Variants in CACNB2 observed in about 807,000 individuals in gnomAD.
CACNB2 encodes voltage-dependent L-type calcium channel subunit beta-2.
A neutral mutation model predicts 73.3 loss-of-function variants in CACNB2; 42 were observed. The ratio of observed to expected loss-of-function variants is 0.57; its 90% CI spans 0.45 to 0.74. The LOEUF (loss-of-function observed/expected upper bound fraction) is 0.74, where lower values mean the gene tolerates loss of function less well. Ranked by LOEUF, CACNB2 falls within the 30% of genes least tolerant of loss-of-function variation. The pLI is 0.00. For missense variants in CACNB2, 940 were observed against 853.0 expected (o/e 1.10, Z -1.27); for synonymous variants, 348 against 310.3 (o/e 1.12, Z -1.28).
intron 3 of CACNB2, among the ~76,000 whole-genome samples, chr10:18,475,745 TG>T: frequency 6.6e-6 from 1 of 152,332 alleles, no homozygotes; most frequent in African/African-American, 2.4e-5. Context: ...GTGTGTCCCC[TG>T]TGCCAGGCAC....
chr10:18,496,244 A>C (rs1361620743), intron 3 of CACNB2, among the ~76,000 whole-genome samples: 1 of 151,418 alleles, frequency 6.6e-6, no homozygotes, highest in African/African-American at 2.4e-5. Context: ...CAAATATTTA[A>C]CTCCACCTCA....
chr10:18,233,032 C>A (rs1277750), intron 2 of CACNB2, among the ~76,000 whole-genome samples: 1 of 152,014 alleles, frequency 6.6e-6, no homozygotes, highest in African/African-American at 2.4e-5. Flanking sequence ...CTGCAGTGAA[C>A]CATGATCGCA....
chr10:18,190,201 C>G (rs78163857), intron 2 of CACNB2, among the ~76,000 whole-genome samples: 3,369 of 152,282 alleles, frequency 0.022, 50 homozygotes, highest in Middle Eastern at 0.1. Context: ...GGGACATGCT[C>G]TCTGGGATTT....
intron 3 of CACNB2, among the ~76,000 whole-genome samples, chr10:18,403,326 A>G (rs2044106496): frequency 6.6e-6 from 1 of 152,232 alleles, no homozygotes; most frequent in Admixed American, 6.5e-5. Flanking sequence ...AACATTAAAT[A>G]ATGTATGACA....
At chr10:18,526,395 G>C (rs1482261445) in intron 9 of CACNB2, among the ~76,000 whole-genome samples, 1 of 152,178 alleles carries the variant, frequency 6.6e-6, no homozygotes, top group Non-Finnish European at 1.5e-5. Context: ...TTGCCTGCAA[G>C]ATAACAAATG....
At chr10:18,150,756 G>T in intron 1 of CACNB2, 127 bp from the exon 2 acceptor site, 2 of 622,396 alleles carry the variant, frequency 3.2e-6, no homozygotes, top group South Asian at 4.2e-5. Flanking sequence ...TTCTAATGAT[G>T]CTTACATGAT....
intron 6 of CACNB2, among the ~76,000 whole-genome samples, chr10:18,512,779 ATT>A (rs1017199046): frequency 1.3e-5 from 2 of 152,144 alleles, no homozygotes; most frequent in African/African-American, 4.8e-5. Flanking sequence ...TTGTGGAAGA[ATT>A]TTCTCTGCAA....
intron 2 of CACNB2, among the ~76,000 whole-genome samples, chr10:18,199,454 G>A (rs75613380): frequency 0.12 from 18,737 of 152,106 alleles, 1,204 homozygotes; most frequent in African/African-American, 0.15. Flanking sequence ...AAACCTCCCC[G>A]AGATGACATG....
chr10:18,344,561 G>A (rs1387485523), intron 2 of CACNB2, among the ~76,000 whole-genome samples: 2 of 151,638 alleles, frequency 1.3e-5, no homozygotes, highest in Non-Finnish European at 2.9e-5. Flanking sequence ...TAGTAGAGAC[G>A]GGGTTTCACC....
chr10:18,473,920 G>A (rs1425169702), intron 3 of CACNB2, among the ~76,000 whole-genome samples: 1 of 152,142 alleles, frequency 6.6e-6, no homozygotes, highest in African/African-American at 2.4e-5. Flanking sequence ...GAAGCTGCAG[G>A]TGCAGCTCCC....
intron 3 of CACNB2, among the ~76,000 whole-genome samples, chr10:18,406,753 C>T (rs760742026): frequency 6.6e-5 from 10 of 152,126 alleles, no homozygotes; most frequent in Non-Finnish European, 1.3e-4. Context: ...ATCCCAAAAC[C>T]ATCCCCAAAC....
At position 18,344,334 on chromosome 10, in the gene CACNB2, G is replaced by C. The variant is rs112114552; in HGVS notation, c.214-57590G>C. Among the ~76,000 whole-genome samples, 444 of 151,826 alleles carry C rather than the reference G, an allele frequency of 2.9e-3. 3 individuals are homozygous for C. The highest frequency in any genetic ancestry group is 9.9e-3 in the African/African-American group (409 of 41,426). On this transcript the variant is annotated intron_variant, in intron 2 of 13. Transcript: ENST00000324631. ...AGAGTCATTTTGTGCAGTCGCAATAGAGATTTGCAGTTATTTTCATTATTA... is the reference window on the plus strand; with the variant it reads ...AGAGTCATTTTGTGCAGTCGCAATACAGATTTGCAGTTATTTTCATTATTA...
chr10:18,290,904 A>G lies in CACNB2; in HGVS notation c.214-111020A>G, dbSNP rs536884779. 4.6e-5 allele frequency among the ~76,000 whole-genome samples: 7 copies of G among 152,354 alleles called. No individual in the cohort carries two copies. In the East Asian group the frequency reaches 1.4e-3, roughly 29 times the overall value. On this transcript the variant is annotated intron_variant, in intron 2 of 13. Transcript: ENST00000324631. Reference sequence around the variant, plus strand: ...GGTAAAAGGAGAGGAACGCAAGGGCACAGGAACAAAGGGCGGAGCGCCAGC... The same window carrying G: ...GGTAAAAGGAGAGGAACGCAAGGGCGCAGGAACAAAGGGCGGAGCGCCAGC...
At chr10:18,300,175 C>G (rs1286644409) in intron 2 of CACNB2, among the ~76,000 whole-genome samples, 1 of 152,150 alleles carries the variant, frequency 6.6e-6, no homozygotes, top group Admixed American at 6.5e-5. Context: ...GCGTGCATCA[C>G]CATGCCTGGC....
intron 2 of CACNB2, among the ~76,000 whole-genome samples, chr10:18,290,661 A>T (rs922507182): frequency 6.6e-6 from 1 of 152,236 alleles, no homozygotes; most frequent in African/African-American, 2.4e-5. Context: ...CTGGTGGCCA[A>T]ATGTTTTCTT....
intron 2 of CACNB2, among the ~76,000 whole-genome samples, chr10:18,275,682 G>A (rs1487438713): frequency 6.6e-6 from 1 of 152,098 alleles, no homozygotes; most frequent in Non-Finnish European, 1.5e-5. Context: ...TATTAAATGA[G>A]TGGCTCATGA....
chr10:18,286,860 T>G (rs1208358221), intron 2 of CACNB2, among the ~76,000 whole-genome samples: 1 of 152,202 alleles, frequency 6.6e-6, no homozygotes, highest in Non-Finnish European at 1.5e-5. Flanking sequence ...CAGAAGTTAC[T>G]GAAAATAAAG....
At chr10:18,525,798 C>G (rs2052410673) in intron 9 of CACNB2, among the ~76,000 whole-genome samples, 1 of 151,962 alleles carries the variant, frequency 6.6e-6, no homozygotes, top group South Asian at 2.1e-4. Context: ...TCCTATCTTC[C>G]AACTCTTTTT....
intron 2 of CACNB2, among the ~76,000 whole-genome samples, chr10:18,208,831 G>T (rs976983617): frequency 6.6e-6 from 1 of 151,924 alleles, no homozygotes; most frequent in African/African-American, 2.4e-5. Flanking sequence ...GACGTTTAGA[G>T]AGAGAAAGCC....
Sources: gnomAD v4.1 joint callset for allele counts (sites outside exome capture counted in the v4.1 genomes callset) on GRCh38, gnomAD v4.1.1 for gene constraint, MANE v1.5 for transcripts, NCBI Gene and HGNC (gene_info 2026-07-23, HGNC 2026-07-21) for gene names.